NCKAP5: variants seen among roughly 807,000 people sequenced by gnomAD.
NCKAP5 encodes NCK associated protein 5.
A neutral mutation model predicts 167.0 loss-of-function variants in NCKAP5; 92 were observed. The ratio of observed to expected loss-of-function variants is 0.55; its 90% CI spans 0.47 to 0.66. The LOEUF (loss-of-function observed/expected upper bound fraction) is 0.66, where lower values mean the gene tolerates loss of function less well. NCKAP5 is among the 30% of genes least tolerant of loss of function. NCKAP5 has a pLI of 0.00. For missense variants in NCKAP5, 2,378 were observed against 2,315.0 expected, an observed-to-expected ratio of 1.03 and a Z score of -0.56; for synonymous variants, 891 against 877.4, an observed-to-expected ratio of 1.02 and a Z score of -0.27.
chr2:132,972,561 TA>T (rs1034198201), intron 7 of NCKAP5, among the ~76,000 whole-genome samples: 3 of 150,260 alleles, frequency 2.0e-5, no homozygotes, highest in African/African-American at 4.9e-5. Context: ...CCATCTCTAC[TA>T]AAAAAAATAC....
chr2:133,295,050 G>A (rs1679865946), intron 4 of NCKAP5, among the ~76,000 whole-genome samples: 1 of 152,166 alleles, frequency 6.6e-6, no homozygotes, highest in African/African-American at 2.4e-5. Flanking sequence ...TTGGAAGTTT[G>A]TACTGAGGCT....
intron 11 of NCKAP5, among the ~76,000 whole-genome samples, chr2:132,811,215 G>A (rs1685838524): frequency 6.6e-6 from 1 of 152,114 alleles, no homozygotes. Context: ...GGCTTTGGTG[G>A]CTTAATGTTC....
chr2:133,040,931 T>A (rs988152266), intron 6 of NCKAP5, among the ~76,000 whole-genome samples: 2 of 152,132 alleles, frequency 1.3e-5, no homozygotes, highest in Non-Finnish European at 2.9e-5. Flanking sequence ...TTAAAAGTTA[T>A]TGAATTTTCT....
chr2:133,066,831 T>G (rs1309521030), intron 6 of NCKAP5, among the ~76,000 whole-genome samples: 2 of 152,160 alleles, frequency 1.3e-5, no homozygotes, highest in Admixed American at 1.3e-4. Flanking sequence ...ACAAGTGACC[T>G]CTCCTTGGTA....
At chr2:133,404,805 G>C (rs1688320154) in intron 3 of NCKAP5, among the ~76,000 whole-genome samples, 1 of 152,118 alleles carries the variant, frequency 6.6e-6, no homozygotes, top group African/African-American at 2.4e-5. Context: ...GATGTTACTA[G>C]CAGATGGCCC....
At chr2:133,642,706 T>G in the NCKAP5 span, among the ~76,000 whole-genome samples, 2 of 152,214 alleles carry the variant, frequency 1.3e-5, no homozygotes, top group Non-Finnish European at 2.9e-5. Flanking sequence ...CAGGAAACAC[T>G]ACCTTCAGTG....
intron 3 of NCKAP5, among the ~76,000 whole-genome samples, chr2:133,490,387 A>C (rs1681334372): frequency 6.6e-6 from 1 of 152,144 alleles, no homozygotes; most frequent in South Asian, 2.1e-4. Context: ...TACAAATCCT[A>C]CCAACCCTGT....
chr2:132,722,097 G>A (rs1054191303), intron 19 of NCKAP5, among the ~76,000 whole-genome samples: 1 of 152,178 alleles, frequency 6.6e-6, no homozygotes, highest in Non-Finnish European at 1.5e-5. Context: ...TTCATCATGA[G>A]GTCATCCAAA....
intron 11 of NCKAP5, among the ~76,000 whole-genome samples, chr2:132,822,824 C>T (rs1686852355): frequency 6.6e-6 from 1 of 151,880 alleles, no homozygotes; most frequent in South Asian, 2.1e-4. Flanking sequence ...GAAATGGATA[C>T]AAAATTATCC....
At chr2:132,908,556 C>T (rs1237918729) in intron 8 of NCKAP5, among the ~76,000 whole-genome samples, 1 of 152,154 alleles carries the variant, frequency 6.6e-6, no homozygotes, top group Non-Finnish European at 1.5e-5. Flanking sequence ...ACTACTCTCC[C>T]ATGATTTTTC....
At chr2:132,686,274 G>A (rs1327687922) in intron 19 of NCKAP5, among the ~76,000 whole-genome samples, 1 of 152,140 alleles carries the variant, frequency 6.6e-6, no homozygotes, top group Non-Finnish European at 1.5e-5. Context: ...AGGTGGTTAG[G>A]GTTTCTGTGC....
intron 16 of NCKAP5, among the ~76,000 whole-genome samples, chr2:132,749,587 C>T (rs887462862): frequency 6.6e-6 from 1 of 152,204 alleles, no homozygotes; most frequent in Non-Finnish European, 1.5e-5. Context: ...CACTACCAAG[C>T]CGTATCCCCA....
intron 19 of NCKAP5, among the ~76,000 whole-genome samples, chr2:132,694,999 G>A (rs545982016): frequency 9.9e-5 from 15 of 152,262 alleles, no homozygotes; most frequent in African/African-American, 3.4e-4. Flanking sequence ...GGCTTCTGGG[G>A]TCATAGATAC....
chr2:133,090,203 C>T (rs1323332521), intron 6 of NCKAP5, among the ~76,000 whole-genome samples: 1 of 125,804 alleles, frequency 7.9e-6, no homozygotes, highest in Admixed American at 8.1e-5. Context: ...CTTGTCCATA[C>T]AAGAAAATTA....
intron 16 of NCKAP5, among the ~76,000 whole-genome samples, chr2:132,768,420 T>C (rs1681709286): frequency 6.6e-6 from 1 of 152,090 alleles, no homozygotes; most frequent in Non-Finnish European, 1.5e-5. Flanking sequence ...GTACAATACA[T>C]AGGGTAAATG....
Position 133,547,159 on chromosome 2 carries a change from G to A in NCKAP5, c.-62+11891C>T, listed in dbSNP as rs550601843. Among the ~76,000 whole-genome samples the A allele has an allele frequency of 3.6e-3, 542 of 152,294 alleles. 5 individuals carry two copies. Among genetic ancestry groups the A allele is most frequent in the African/African-American group, 0.012 (515 of 41,568 alleles). On this transcript the variant is annotated intron_variant, in intron 2 of 19. Transcript: ENST00000409261. Reference sequence around the variant, plus strand: ...TGGGTCACTCCCACCCGAATATTGCGCTATTCGGACCGGCTTAAAAAACGG... The same window carrying A: ...TGGGTCACTCCCACCCGAATATTGCACTATTCGGACCGGCTTAAAAAACGG...
chr2:133,375,005 T>G (rs1686049588), intron 3 of NCKAP5, among the ~76,000 whole-genome samples: 1 of 152,236 alleles, frequency 6.6e-6, no homozygotes. Flanking sequence ...GTTCACAAAC[T>G]CAGTCAGTCT....
chr2:133,373,547 C>T lies in NCKAP5; in HGVS notation c.70-70437G>A, dbSNP rs111403958. ...CACAATCCCAGCAAGTTATTTTGTG[C>T]ATAATGACAAACTAACTCTAAAGGT... On this transcript the variant is annotated intron_variant, in intron 3 of 19. Transcript: ENST00000409261. Among the ~76,000 whole-genome samples the T allele has an allele frequency of 6.5e-3, 987 of 152,284 alleles. 4 individuals carry two copies. The highest frequency in any genetic ancestry group is 0.051 in the Middle Eastern group (15 of 292).
At chr2:132,967,615 T>C (rs560042554) in intron 7 of NCKAP5, among the ~76,000 whole-genome samples, 1 of 152,230 alleles carries the variant, frequency 6.6e-6, no homozygotes, top group Non-Finnish European at 1.5e-5. Flanking sequence ...TGCTTGGAAA[T>C]GAGACAAAAA....
Sources: allele counts gnomAD v4.1 joint callset (sites outside exome capture counted in the v4.1 genomes callset), GRCh38; gene constraint gnomAD v4.1.1; transcripts MANE v1.5; gene names NCBI Gene and HGNC (gene_info 2026-07-23, HGNC 2026-07-21).